The following RAVER2 variants were observed in gnomAD, a reference collection of about 807,000 sequenced individuals.
The protein encoded by RAVER2 is ribonucleoprotein, PTB binding 2, also known as ribonucleoprotein PTB-binding 2.
A neutral mutation model predicts 78.1 loss-of-function variants in RAVER2; 46 were observed. The observed-to-expected ratio is 0.59, with a 90% CI of 0.46 to 0.75. The LOEUF (loss-of-function observed/expected upper bound fraction) is 0.75. Ranked by LOEUF, RAVER2 falls within the 30% of genes least tolerant of loss-of-function variation. RAVER2 has a pLI of 0.00. For synonymous variants in RAVER2, 311 were observed against 313.3 expected, an observed-to-expected ratio of 0.99 and a Z score of 0.08; for missense variants, 793 against 837.5, an observed-to-expected ratio of 0.95 and a Z score of 0.66.
chr1:64,747,466 TTGTTC>T (rs890507917), intron 1 of RAVER2, among the ~76,000 whole-genome samples: 13 of 152,296 alleles, frequency 8.5e-5, no homozygotes, highest in African/African-American at 3.1e-4. Flanking sequence ...TACTAAGTTC[TTGTTC>T]TTTTCCAGAA....
chr1:64,746,693 T>G lies in RAVER2; in HGVS notation c.249+1272T>G, dbSNP rs186004475. Among the ~76,000 whole-genome samples the G allele has an allele frequency of 2.1e-3, 316 of 152,330 alleles. 1 individual carries two copies. Among genetic ancestry groups the G allele is most frequent in the African/African-American group, 7.4e-3 (307 of 41,566 alleles). On this transcript the variant is annotated intron_variant, in intron 1 of 11. Coordinates refer to ENST00000294428, the Ensembl canonical transcript of RAVER2. Reference sequence around the variant, plus strand: ...GTCAGTATTGTTTATCTCATCTGTCTTTCAACTCTTTCCATTCCGCCATGG... The same window carrying G: ...GTCAGTATTGTTTATCTCATCTGTCGTTCAACTCTTTCCATTCCGCCATGG...
intron 1 of RAVER2, among the ~76,000 whole-genome samples, chr1:64,747,124 G>A (rs1429624393): frequency 6.6e-6 from 1 of 152,166 alleles, no homozygotes; most frequent in East Asian, 1.9e-4. Context: ...AATAAAAGGA[G>A]CAGTTTTAAT....
At chr1:64,781,033 G>T (rs1652611578) in intron 3 of RAVER2, among the ~76,000 whole-genome samples, 1 of 152,066 alleles carries the variant, frequency 6.6e-6, no homozygotes, top group African/African-American at 2.4e-5. Context: ...TGTACCTGGT[G>T]ATTTTCTTTT....
At chr1:64,785,232 A>G (rs1459230279) in intron 4 of RAVER2, among the ~76,000 whole-genome samples, 1 of 152,202 alleles carries the variant, frequency 6.6e-6, no homozygotes, top group Non-Finnish European at 1.5e-5. Context: ...TTTTAATGTC[A>G]TAAATAGGTG....
intron 4 of RAVER2, among the ~76,000 whole-genome samples, chr1:64,788,786 C>T (rs1205203183): frequency 3.9e-5 from 5 of 127,106 alleles, no homozygotes; most frequent in South Asian, 4.7e-4. Flanking sequence ...AGCGAGACTC[C>T]GTCTCAAAAA....
At chr1:64,783,317 A>G (rs1438762989) in intron 4 of RAVER2, among the ~76,000 whole-genome samples, 1 of 152,222 alleles carries the variant, frequency 6.6e-6, no homozygotes, top group Non-Finnish European at 1.5e-5. Context: ...ACTGTCTTCC[A>G]CAATGGTTGA....
intron 1 of RAVER2, among the ~76,000 whole-genome samples, chr1:64,753,181 G>A (rs1275688752): frequency 1.3e-5 from 2 of 152,132 alleles, no homozygotes; most frequent in African/African-American, 4.8e-5. Context: ...AGTCTCCTGA[G>A]TATCTGGGAC....
intron 1 of RAVER2, among the ~76,000 whole-genome samples, chr1:64,754,850 C>G (rs1438415257): frequency 1.3e-5 from 2 of 152,202 alleles, no homozygotes; most frequent in Non-Finnish European, 2.9e-5. Flanking sequence ...GAGTTTTCAT[C>G]AGAAACTTCT....
intron 1 of RAVER2, among the ~76,000 whole-genome samples, chr1:64,762,337 G>T (rs1231281067): frequency 6.6e-6 from 1 of 151,796 alleles, no homozygotes; most frequent in African/African-American, 2.4e-5. Context: ...TTAGATGTCA[G>T]TTGTTCCCAA....
At chr1:64,830,798 C>A (rs1654108014) in intron 11 of RAVER2, 41 bp from the exon 12 acceptor site, 15 of 1,522,470 alleles carry the variant, frequency 9.9e-6, no homozygotes, top group Non-Finnish European at 1.3e-5. Flanking sequence ...AATAAGCCAA[C>A]TTTAGATTTT....
At chr1:64,793,585 C>T (rs1653003560) in intron 5 of RAVER2, among the ~76,000 whole-genome samples, 2 of 152,118 alleles carry the variant, frequency 1.3e-5, no homozygotes, top group Non-Finnish European at 2.9e-5. Flanking sequence ...AGTTTATGTA[C>T]ATTAAACTGT....
At chr1:64,809,155 A>G (rs951369703) in intron 9 of RAVER2, among the ~76,000 whole-genome samples, 2 of 152,238 alleles carry the variant, frequency 1.3e-5, no homozygotes, top group Admixed American at 6.5e-5. Flanking sequence ...CATACAATAA[A>G]GCAGATTTAG....
chr1:64,752,302 G>T (rs1570522930), intron 1 of RAVER2, among the ~76,000 whole-genome samples: 1 of 152,178 alleles, frequency 6.6e-6, no homozygotes. Flanking sequence ...GTGACTGTGG[G>T]TTGGCTGCTT....
At chr1:64,789,857 C>T (rs1557595644) in intron 5 of RAVER2, among the ~76,000 whole-genome samples, 1 of 152,132 alleles carries the variant, frequency 6.6e-6, no homozygotes, top group Non-Finnish European at 1.5e-5. Context: ...AGAATTAATA[C>T]TCTTCTATGT....
intron 11 of RAVER2, among the ~76,000 whole-genome samples, chr1:64,817,091 AAAGATATGAACAGAC>A (rs1456176258): frequency 1.3e-5 from 2 of 152,248 alleles, no homozygotes; most frequent in Admixed American, 1.3e-4. Context: ...AAAGTGGGCA[AAAGATATGAACAGAC>A]ACTTCTCAAA....
chr1:64,802,879 G>C, intron 5 of RAVER2, 97 bp from the exon 6 acceptor site: 2 of 723,002 alleles, frequency 2.8e-6, no homozygotes, highest in Non-Finnish European at 4.5e-6. Flanking sequence ...TTTGTTAATA[G>C]TTTAAAGAAA....
intron 2 of RAVER2, among the ~76,000 whole-genome samples, chr1:64,770,601 G>A (rs969843975): frequency 6.6e-6 from 1 of 151,890 alleles, no homozygotes; most frequent in Non-Finnish European, 1.5e-5. Flanking sequence ...AATGTATAAC[G>A]AGGACAAAAA....
chr1:64,789,621 A>G, intron 5 of RAVER2, 107 bp downstream of exon 5: 1 of 883,500 alleles, frequency 1.1e-6, no homozygotes, highest in Non-Finnish European at 1.5e-6. Flanking sequence ...AAATATATTT[A>G]AATTAGTATA....
exon 12 of RAVER2, chr1:64,831,478 T>TAAAG: frequency 6.6e-6 from 1 of 152,642 alleles, no homozygotes; most frequent in East Asian, 1.9e-4. Context: ...GGTAATATTA[T>TAAAG]AAAGATGCTC....
Sources: gnomAD v4.1 joint callset for allele counts (sites outside exome capture counted in the v4.1 genomes callset) on GRCh38, gnomAD v4.1.1 for gene constraint, MANE v1.5 for transcripts, NCBI Gene and HGNC (gene_info 2026-07-23, HGNC 2026-07-21) for gene names.